HDAC4: variants seen among roughly 807,000 people sequenced by gnomAD.
HDAC4 encodes histone deacetylase 4.
Under a neutral mutation model 135.1 loss-of-function variants are expected in HDAC4, and 16 were observed. The ratio of observed to expected loss-of-function variants is 0.12; its 90% confidence interval spans 0.08 to 0.18. The LOEUF (loss-of-function observed/expected upper bound fraction) is 0.18, where lower values mean the gene tolerates loss of function less well. Ranked by LOEUF, HDAC4 falls within the 10% of genes least tolerant of loss-of-function variation. The pLI is 1.00. For missense variants in HDAC4, 1,143 were observed against 1,511.8 expected, an observed-to-expected ratio of 0.76 and a Z score of 4.05; for synonymous variants, 685 against 653.4, an observed-to-expected ratio of 1.05 and a Z score of -0.74.
At chr2:239,186,934 TAC>T (rs1176973789) in intron 4 of HDAC4, 1 of 152,502 alleles carries the variant, frequency 6.6e-6, no homozygotes, top group African/African-American at 2.4e-5. Context: ...TTGTAAAAGC[TAC>T]AAATTCAACC....
chr2:239,370,642 C>T (rs1209161714), intron 1 of HDAC4, among the ~76,000 whole-genome samples: 3 of 152,200 alleles, frequency 2.0e-5, no homozygotes, highest in East Asian at 1.9e-4. Context: ...TCCTGCACAG[C>T]GGCCTCCGGG....
intron 1 of HDAC4, among the ~76,000 whole-genome samples, chr2:239,385,801 C>A (rs987061330): frequency 6.6e-6 from 1 of 152,190 alleles, no homozygotes; most frequent in Non-Finnish European, 1.5e-5. Flanking sequence ...GCCGAGGAAG[C>A]CACGGAGGCT....
chr2:239,125,409 C>A (rs185041261), intron 12 of HDAC4, among the ~76,000 whole-genome samples: 51 of 152,274 alleles, frequency 3.3e-4, no homozygotes, highest in Non-Finnish European at 5.0e-4. Context: ...GAAGCAGAGG[C>A]CAACACCACG....
chr2:239,187,350 T>TA (rs1300123569), intron 4 of HDAC4, among the ~76,000 whole-genome samples: 3 of 152,224 alleles, frequency 2.0e-5, no homozygotes, highest in African/African-American at 4.8e-5. Context: ...GTACTCATTT[T>TA]AAAAAATTAC....
rs1205733780 is a variant in HDAC4, at chr2:239,331,648, C to T, written c.22+21030G>A. ...CGTCGCCAGGGCTGCACTGGACCCA[C>T]CGTGCGGGGACTGCCAGGTAAACCT... On this transcript the variant is annotated intron_variant, in intron 2 of 26. Transcript: ENST00000543185. The surrounding 1 kb of genome is among the most constrained non-coding windows in gnomAD (Gnocchi z 4.5). Among the ~76,000 whole-genome samples the T allele has an allele frequency of 6.6e-6, 1 of 152,156 alleles. No individual in the cohort carries two copies. The highest frequency in any genetic ancestry group is 1.5e-5 in the Non-Finnish European group (1 of 68,030).
In HDAC4 at chr2:239,349,356, G is replaced by C. The variant is rs1218683799; in HGVS notation, c.22+3322C>G. Among the ~76,000 whole-genome samples the C allele has an allele frequency of 6.6e-6, 1 of 152,238 alleles. No homozygotes were observed. Among genetic ancestry groups the C allele is most frequent in the Non-Finnish European group, 1.5e-5 (1 of 68,038 alleles). On this transcript the variant is annotated intron_variant, in intron 2 of 26. Coordinates refer to ENST00000543185, the MANE Select transcript of HDAC4 (RefSeq NM_001378414.1). The surrounding 1 kb of genome is among the most constrained non-coding windows in gnomAD (Gnocchi z 5.7). ...CCGTGGCTGTGCTCTGACACACCTAGAAATTTCCCGCTCAAGAGAGCAAAC... is the reference window on the plus strand; with the variant it reads ...CCGTGGCTGTGCTCTGACACACCTACAAATTTCCCGCTCAAGAGAGCAAAC...
At chr2:239,135,533 C>T (rs575753637) in intron 9 of HDAC4, among the ~76,000 whole-genome samples, 12 of 152,236 alleles carry the variant, frequency 7.9e-5, no homozygotes, top group Non-Finnish European at 1.5e-4. Context: ...CCTAGAGGAA[C>T]GGCGAACACT....
At chr2:239,082,326 T>C in intron 20 of HDAC4, 105 bp from the exon 21 acceptor site, 2 of 1,430,026 alleles carry the variant, frequency 1.4e-6, no homozygotes, top group Non-Finnish European at 2.0e-6. Flanking sequence ...CAACGGCTCC[T>C]GCTCAGGAAT....
intron 24 of HDAC4, 40 bp downstream of exon 24, chr2:239,066,682 C>A: frequency 1.9e-6 from 3 of 1,612,606 alleles, no homozygotes; most frequent in Non-Finnish European, 2.5e-6. Flanking sequence ...CCGAGCCTGT[C>A]AGTGTGGAGC....
intron 1 of HDAC4, among the ~76,000 whole-genome samples, chr2:239,397,719 C>A (rs975832352): frequency 6.6e-6 from 1 of 152,202 alleles, no homozygotes; most frequent in African/African-American, 2.4e-5. Flanking sequence ...GAAAACTGAC[C>A]GTATGAAGAG....
intron 2 of HDAC4, among the ~76,000 whole-genome samples, chr2:239,294,392 C>A (rs537269252): frequency 6.6e-6 from 1 of 152,086 alleles, no homozygotes; most frequent in Non-Finnish European, 1.5e-5. Context: ...TGTGGATAGG[C>A]TGATAGGGAG....
intron 2 of HDAC4, among the ~76,000 whole-genome samples, chr2:239,281,868 T>TACACACC (rs891917974): frequency 7.0e-6 from 1 of 143,304 alleles, no homozygotes; most frequent in Non-Finnish European, 1.5e-5. Context: ...ACACACAATG[T>TACACACC]ACACACCACT....
At chr2:239,267,150 C>T (rs1438500255) in intron 2 of HDAC4, among the ~76,000 whole-genome samples, 1 of 152,208 alleles carries the variant, frequency 6.6e-6, no homozygotes, top group Non-Finnish European at 1.5e-5. Flanking sequence ...TACTTGACCT[C>T]TGATGTTGCC....
intron 2 of HDAC4, among the ~76,000 whole-genome samples, chr2:239,297,445 G>A (rs922081422): frequency 6.6e-6 from 1 of 152,254 alleles, no homozygotes; most frequent in Non-Finnish European, 1.5e-5. Flanking sequence ...TCAGACACTG[G>A]TGTGACAGCA....
At chr2:239,360,359 G>C (rs1331014645) in intron 1 of HDAC4, among the ~76,000 whole-genome samples, 13 of 152,226 alleles carry the variant, frequency 8.5e-5, no homozygotes. Context: ...CAGCTGGGGA[G>C]ACTGAGTCAG....
chr2:239,249,511 G>C (rs2048660483), intron 2 of HDAC4, among the ~76,000 whole-genome samples: 2 of 152,126 alleles, frequency 1.3e-5, no homozygotes, highest in South Asian at 4.1e-4. Flanking sequence ...GATTTTAAGA[G>C]AGCCAATCAC....
intron 20 of HDAC4, among the ~76,000 whole-genome samples, chr2:239,083,613 C>T (rs968842103): frequency 2.0e-5 from 3 of 152,114 alleles, no homozygotes; most frequent in South Asian, 2.1e-4. Flanking sequence ...TATTAATTTC[C>T]GGTATAAGAA....
chr2:239,239,736 T>C (rs528745537), intron 2 of HDAC4, among the ~76,000 whole-genome samples: 2 of 152,328 alleles, frequency 1.3e-5, no homozygotes, highest in South Asian at 2.1e-4. Flanking sequence ...AACACTGCCA[T>C]GTTCACATCT....
chr2:239,287,220 C>G (rs921719402), intron 2 of HDAC4, among the ~76,000 whole-genome samples: 3 of 152,238 alleles, frequency 2.0e-5, no homozygotes, highest in Non-Finnish European at 4.4e-5. Context: ...GAGACCCCAC[C>G]CAGGACCCCA....
Sources: gnomAD v4.1 joint callset for allele counts (sites outside exome capture counted in the v4.1 genomes callset) on GRCh38, gnomAD v4.1.1 for gene constraint, Gnocchi (gnomAD v3.1) non-coding constraint, MANE v1.5 for transcripts, NCBI Gene and HGNC (gene_info 2026-07-23, HGNC 2026-07-21) for gene names.